FRMPD4: variants seen among roughly 807,000 people sequenced by gnomAD.
FRMPD4 encodes the protein FERM and PDZ domain containing 4.
FRMPD4 carries 22 observed loss-of-function variants against 94.1 expected under a neutral mutation model. That is an observed-to-expected ratio of 0.23 (90% CI 0.17 to 0.33). The LOEUF is 0.33. Ranked by LOEUF, FRMPD4 falls within the 10% of genes least tolerant of loss-of-function variation. The pLI is 1.00. For missense variants in FRMPD4, 1,111 were observed against 1,339.9 expected (o/e 0.83, Z 2.67); for synonymous variants, 631 against 548.6 (o/e 1.15, Z -2.10).
intron 1 of FRMPD4, among the ~76,000 whole-genome samples, chrX:12,381,048 A>G (rs923109011): frequency 8.9e-6 from 1 of 111,993 alleles, no homozygotes; most frequent in African/African-American, 3.2e-5. Context: ...TCAGCCAAAG[A>G]GGAACATATT....
intron 1 of FRMPD4, among the ~76,000 whole-genome samples, chrX:11,863,986 T>G (rs2053704217): frequency 8.9e-6 from 1 of 111,941 alleles, no homozygotes; most frequent in African/African-American, 3.2e-5. Flanking sequence ...TACTCAGATT[T>G]GTGTTATGCT....
At chrX:12,132,058 G>A (rs1305551274) in intron 3 of FRMPD4, among the ~76,000 whole-genome samples, 2 of 111,626 alleles carry the variant, frequency 1.8e-5, no homozygotes, top group Non-Finnish European at 3.8e-5. Context: ...AACAAAGGAA[G>A]GGACAATGAG....
At chrX:12,432,528 G>A (rs1400063237) in intron 1 of FRMPD4, among the ~76,000 whole-genome samples, 1 of 111,474 alleles carries the variant, frequency 9.0e-6, no homozygotes, top group Non-Finnish European at 1.9e-5. Flanking sequence ...CACCCAAATG[G>A]CTGATGGCGG....
chrX:11,968,281 T>G (rs1309661348), intron 3 of FRMPD4, among the ~76,000 whole-genome samples: 1 of 111,602 alleles, frequency 9.0e-6, no homozygotes, highest in Non-Finnish European at 1.9e-5. Flanking sequence ...ACAGCCCAGT[T>G]GAAAGATGCT....
intron 1 of FRMPD4, among the ~76,000 whole-genome samples, chrX:12,276,844 G>T (rs945779696): frequency 3.6e-5 from 4 of 111,585 alleles, no homozygotes; most frequent in Non-Finnish European, 7.5e-5. Flanking sequence ...AATTTTGGCC[G>T]GGCGCGGTGG....
intron 3 of FRMPD4, among the ~76,000 whole-genome samples, chrX:12,080,794 A>T (rs2055055995): frequency 8.9e-6 from 1 of 112,202 alleles, no homozygotes; most frequent in South Asian, 3.7e-4. Context: ...TTTTTTAGGT[A>T]ACTGAAGAAG....
chrX:12,051,954 T>C (rs980503041), intron 3 of FRMPD4, among the ~76,000 whole-genome samples: 1 of 111,927 alleles, frequency 8.9e-6, no homozygotes, highest in Non-Finnish European at 1.9e-5. Flanking sequence ...AAGTAATAAC[T>C]TGGTCAGTGG....
At chrX:12,281,771 T>C (rs190595776) in intron 1 of FRMPD4, among the ~76,000 whole-genome samples, 7 of 112,205 alleles carry the variant, frequency 6.2e-5, no homozygotes, top group African/African-American at 2.3e-4. Flanking sequence ...CACTGTGCTC[T>C]GTAGACATCT....
intron 1 of FRMPD4, among the ~76,000 whole-genome samples, chrX:12,230,540 A>T: frequency 9.1e-6 from 1 of 110,278 alleles, no homozygotes; most frequent in South Asian, 4.0e-4. Flanking sequence ...ACACATAGCA[A>T]ATTGAACCTT....
chrX:12,636,801 TTGA>T (rs1055901731), intron 4 of FRMPD4, among the ~76,000 whole-genome samples: 2 of 112,218 alleles, frequency 1.8e-5, no homozygotes, highest in African/African-American at 6.5e-5. Context: ...TTTATATCCA[TTGA>T]TGATATTATT....
In FRMPD4 at chrX:12,720,383, C is replaced by T. The variant is rs149340519; in HGVS notation, c.3965-151C>T. ...AAATTTGTTATGAGATATCAAGAGGCAGTCTTTGGAAAGCAGGGTGACCTT... is the reference window on the plus strand; with the variant it reads ...AAATTTGTTATGAGATATCAAGAGGTAGTCTTTGGAAAGCAGGGTGACCTT... On this transcript the variant is annotated intron_variant, in intron 16 of 16. Transcript: ENST00000675598. 231 of 472,687 alleles carry T rather than the reference C, an allele frequency of 4.9e-4. 2 individuals are homozygous for T. The East Asian group carries it at 8.0e-3, about 16-fold the overall frequency. 39.0% of individuals were successfully genotyped at this position (472,687 alleles called of 1,213,427 possible). A position where few individuals can be genotyped will look rare whatever the true frequency, so the allele number is the denominator to read the frequency against.
chrX:11,916,599 A>T (rs1484067757), intron 3 of FRMPD4, among the ~76,000 whole-genome samples: 1 of 110,481 alleles, frequency 9.1e-6, no homozygotes, highest in Non-Finnish European at 1.9e-5. Flanking sequence ...TGGGTATCTC[A>T]CCTCCCATGA....
At chrX:12,385,191 G>A (rs1328282971) in intron 1 of FRMPD4, among the ~76,000 whole-genome samples, 4 of 112,825 alleles carry the variant, frequency 3.5e-5, no homozygotes, top group African/African-American at 6.4e-5. Flanking sequence ...GCACAGTAAG[G>A]TGGAAAGACA....
At chrX:12,381,194 A>G (rs1219387669) in intron 1 of FRMPD4, among the ~76,000 whole-genome samples, 3 of 112,469 alleles carry the variant, frequency 2.7e-5, no homozygotes, top group Non-Finnish European at 3.8e-5. Flanking sequence ...CTGGGGTCAC[A>G]GAATTATTAG....
chrX:12,487,808 A>T (rs886553417), intron 1 of FRMPD4, among the ~76,000 whole-genome samples: 3 of 112,288 alleles, frequency 2.7e-5, no homozygotes, highest in Admixed American at 9.5e-5. Flanking sequence ...ATGGAAATGC[A>T]TGATGAATTC....
At chrX:12,296,654 G>T (rs771298413) in intron 1 of FRMPD4, among the ~76,000 whole-genome samples, 1 of 112,206 alleles carries the variant, frequency 8.9e-6, no homozygotes, top group African/African-American at 3.2e-5. Context: ...TTCACAGCAG[G>T]TTGGACTTGC....
intron 1 of FRMPD4, among the ~76,000 whole-genome samples, chrX:12,383,053 G>A (rs1420497812): frequency 9.0e-6 from 1 of 111,395 alleles, no homozygotes; most frequent in Admixed American, 9.5e-5. Flanking sequence ...CCCAAACAGG[G>A]GCAGCAAATT....
At chrX:11,962,331 G>A (rs2054288129) in intron 3 of FRMPD4, among the ~76,000 whole-genome samples, 1 of 111,850 alleles carries the variant, frequency 8.9e-6, no homozygotes, top group African/African-American at 3.3e-5. Context: ...TCACAGAGCA[G>A]GAAGAGCAGA....
intron 2 of FRMPD4, among the ~76,000 whole-genome samples, chrX:12,563,633 T>C (rs748278416): frequency 8.9e-6 from 1 of 111,969 alleles, no homozygotes; most frequent in African/African-American, 3.2e-5. Context: ...ACTGTTTTCT[T>C]AGAAAGTCTC....
Sources: gnomAD v4.1 joint callset for allele counts (sites outside exome capture counted in the v4.1 genomes callset) on GRCh38, gnomAD v4.1.1 for gene constraint, MANE v1.5 for transcripts, NCBI Gene and HGNC (gene_info 2026-07-23, HGNC 2026-07-21) for gene names.